PLXNB3: variants seen among roughly 807,000 people sequenced by gnomAD.
PLXNB3 encodes the protein plexin-B3.
PLXNB3 carries 80 observed loss-of-function variants against 125.7 expected under a neutral mutation model. The ratio of observed to expected loss-of-function variants is 0.64; its 90% CI spans 0.53 to 0.77. The LOEUF (loss-of-function observed/expected upper bound fraction) is 0.77. Among genes scored for constraint, PLXNB3 ranks in the 30% least tolerant of loss-of-function variants. The probability of loss-of-function intolerance (pLI) is 0.00; values close to 1 mark genes in which losing one functional copy is unlikely to be tolerated. For synonymous variants in PLXNB3, 954 were observed against 783.3 expected, an observed-to-expected ratio of 1.22 and a Z score of -3.64; for missense variants, 1,836 against 1,729.3, an observed-to-expected ratio of 1.06 and a Z score of -1.09.
chrX:153,769,233 G>A lies in PLXNB3; in HGVS notation c.1467G>A (p.Pro489=), dbSNP rs34012054. 1,731 of 1,171,056 alleles carry A rather than the reference G, an allele frequency of 1.5e-3. 14 individuals carry two copies. The African/African-American group carries it at 0.028, about 19-fold the overall frequency. The change falls in exon 6 of 36, where the codon CCG becomes CCA. Residue 489 remains proline, a synonymous_variant. Transcript: ENST00000361971. ...DCASCLQAQD[P]LCGWCVLQGR... ...CCAGCTGCCTCCAGGCCCAGGACCC[G>A]CTGTGTGGCTGGTGTGTCCTCCAGG...
intron 6 of PLXNB3, 150 bp downstream of exon 6, chrX:153,769,412 C>G (rs781994730): frequency 6.3e-6 from 3 of 474,438 alleles, no homozygotes; most frequent in East Asian, 7.5e-5. Flanking sequence ...CCTGCCCCAT[C>G]TCACTGAGCC....
intron 2 of PLXNB3, chrX:153,766,036 TA>T (rs782791034): frequency 9.6e-7 from 1 of 1,038,228 alleles, no homozygotes; most frequent in Non-Finnish European, 1.2e-6. Flanking sequence ...GGGACACTCC[TA>T]CACTGAGGCC....
At chrX:153,773,140 A>G in intron 17 of PLXNB3, 90 bp from the exon 18 acceptor site, 1 of 1,089,590 alleles carries the variant, frequency 9.2e-7, no homozygotes, top group Non-Finnish European at 1.2e-6. Context: ...CAAGGCAGGC[A>G]AAGCAGGGCT....
chrX:153,767,595 G>A lies in PLXNB3; in HGVS notation c.768G>A (p.Gln256=). The change falls in exon 3 of 36, where the codon CAG becomes CAA. Residue 256 remains glutamine (Q), a synonymous_variant. Transcript: ENST00000361971. ...TCCGCCGCCGCGGGGCCCGGGCCCA[G>A]GCTGAGTACCGCTCCTACGTGGCCC... ...FVFRRRGARA[Q]AEYRSYVARV... 1 of 1,186,890 alleles carries A rather than the reference G, an allele frequency of 8.4e-7. No individual in the cohort carries two copies.
chrX:153,778,396 G>A lies in PLXNB3; in HGVS notation c.5475G>A (p.Arg1825=). 8.3e-7 allele frequency: 1 copy of A among 1,211,475 alleles called. No individual in the cohort carries two copies. The highest frequency in any genetic ancestry group is 1.1e-6 in the Non-Finnish European group (1 of 895,429). The change falls in exon 34 of 36, where the codon AGG becomes AGA. Residue 1825 remains arginine (R), a splice_region_variant and synonymous_variant. Coordinates refer to ENST00000361971, the MANE Select transcript of PLXNB3 (RefSeq NM_005393.3). ...EIPRYKQMVE[R]YYADIRQSSP... is the part of the protein sequence containing the mutation. ...CCCCTAACGAAGTCTGCTCCTCCAG[G>A]TACTATGCGGACATTCGCCAGAGCT...
In PLXNB3 at chrX:153,767,215, G is replaced by A; in HGVS notation, c.388G>A (p.Val130Met). The A allele has an allele frequency of 8.3e-7, 1 of 1,205,396 alleles. No individual in the cohort carries two copies. Residue 130 changes from valine (V) to methionine (M), a missense_variant, in exon 3 of 36, where the codon GTG (valine) becomes ATG (methionine). Physicochemically the swap from Val to Met is conservative, Grantham distance 21 (BLOSUM62 1). Coordinates refer to ENST00000361971, the MANE Select transcript of PLXNB3 (RefSeq NM_005393.3). ...GGTGAGCAGCCGCGCCCAGGAGCTG[G>A]TGGCCTGCGGGCAGGTGCGGCAGGG... ...LLVSSRAQEL[V>M]ACGQVRQGVC...
rs782156284 is a variant in PLXNB3, at chrX:153,771,327, C to T, written c.2271C>T (p.Ser757=). Residue 757 remains serine, a synonymous_variant, in exon 13 of 36, where the codon TCC becomes TCT. Coordinates refer to ENST00000361971, the MANE Select transcript of PLXNB3 (RefSeq NM_005393.3). ...GCCCACAGTTTTATCCCTCCATGTC[C>T]CAGCGGGAGCTCCCAGTGCCCATCT... is the stretch of plus-strand genomic sequence containing the variant. ...CQAHQFYPSM[S]QRELPVPIYV... The T allele has an allele frequency of 8.3e-7, 1 of 1,207,877 alleles. No homozygotes were observed. Among genetic ancestry groups the T allele is most frequent in the East Asian group, 3.0e-5 (1 of 33,780 alleles).
Position 153,776,389 on chromosome X carries a change from T to C in PLXNB3, c.4763T>C (p.Leu1588Pro). ...TCAGGCCTGGCTGGTCACCTGACCC[T>C]ATCGGACGAAGACTTGACCTCCGTG... is the stretch of plus-strand genomic sequence containing the variant. ...WRSGLAGHLT[L>P]SDEDLTSVTQ... Residue 1588 changes from leucine (L) to proline (P), a missense_variant, in exon 28 of 36, where the codon CTA becomes CCA. Leu to Pro is a moderately conservative substitution (Grantham distance 98). Transcript: ENST00000361971. 4 of 1,196,316 alleles carry C rather than the reference T, an allele frequency of 3.3e-6. No individual in the cohort carries two copies. The highest frequency in any genetic ancestry group is 4.5e-6 in the Non-Finnish European group (4 of 888,212).
chrX:153,777,355 A>G lies in PLXNB3; in HGVS notation c.5075A>G (p.Tyr1692Cys), dbSNP rs781902036. 3 of 1,201,189 alleles carry G rather than the reference A, an allele frequency of 2.5e-6. No individual in the cohort carries two copies. The highest frequency in any genetic ancestry group is 3.6e-5 in the South Asian group (2 of 56,029). The change falls in exon 30 of 36, where the codon TAC becomes TGC. Residue 1692 changes from tyrosine (Y) to cysteine (C), a missense_variant. By Grantham distance (194) the Tyr-to-Cys change is radical. Coordinates refer to ENST00000361971, the MANE Select transcript of PLXNB3 (RefSeq NM_005393.3). ...AGGGCCAAGGCCATTCCGGAAATCTACCTCACCCGTCTGCTGTCCATGAAG... is the reference window on the plus strand; with the variant it reads ...AGGGCCAAGGCCATTCCGGAAATCTGCCTCACCCGTCTGCTGTCCATGAAG... ...PARAKAIPEIYLTRLLSMKGT... is the reference protein window; with the variant it reads ...PARAKAIPEICLTRLLSMKGT...
At position 153,776,980 on chromosome X, in the gene PLXNB3, A is replaced by T. The variant is rs1223493587; in HGVS notation, c.4927A>T (p.Asn1643Tyr). Residue 1643 changes from asparagine to tyrosine, a missense_variant and splice_region_variant, in exon 29 of 36, where the codon AAC becomes TAC. By Grantham distance (143) the Asn-to-Tyr change is moderately radical (BLOSUM62 -2). Transcript: ENST00000361971. The stretch of plus-strand genomic sequence containing the variant: ...GGCCCAGAGGTGCCCCTTGGGAGAG[A>T]GTGAGTCCCTCGGCCCTGACCTGGG... Reference protein sequence around the residue: ...SLAQRCPLGENIPTLEDGEEG... With the variant: ...SLAQRCPLGEYIPTLEDGEEG... 3 of 1,160,692 alleles carry T rather than the reference A, an allele frequency of 2.6e-6. No homozygotes were observed. Among genetic ancestry groups the T allele is most frequent in the South Asian group, 3.8e-5 (2 of 53,281 alleles).
intron 32 of PLXNB3, 68 bp downstream of exon 32, chrX:153,778,163 G>C: frequency 8.3e-7 from 1 of 1,198,239 alleles, no homozygotes; most frequent in South Asian, 1.8e-5. Context: ...GGGAAGCCTA[G>C]AGGGCTGTGC....
At chrX:153,770,298 G>A (rs1557061200) in intron 8 of PLXNB3, 40 bp from the exon 9 acceptor site, 7 of 1,200,846 alleles carry the variant, frequency 5.8e-6, no homozygotes, top group South Asian at 1.8e-5. Flanking sequence ...GAGGGGTAAT[G>A]AGCCACCTGA....
rs1557063091 is a variant in PLXNB3 at position 153,774,189 on chromosome X, G to A, written c.3523G>A (p.Glu1175Lys). ...KPGHVLDVEG[E>K]GLNLGISKEE... ...TAGGCTCCCATGTGTGTCCCAGGGC[G>A]AGGGCCTCAACCTGGGCATCAGCAA... is the stretch of plus-strand genomic sequence containing the variant. The change falls in exon 21 of 36, where the codon GAG becomes AAG. Residue 1175 changes from glutamate (E) to lysine (K), a missense_variant. Coordinates refer to ENST00000361971, the MANE Select transcript of PLXNB3 (RefSeq NM_005393.3). The A allele has an allele frequency of 1.2e-5, 14 of 1,203,373 alleles. No homozygotes were observed. Among genetic ancestry groups the A allele is most frequent in the African/African-American group, 5.2e-5 (3 of 57,692 alleles).
chrX:153,778,714 C>T (rs1392115270), intron 35 of PLXNB3, 40 bp downstream of exon 35: 1 of 1,152,501 alleles, frequency 8.7e-7, no homozygotes, highest in Non-Finnish European at 1.2e-6. Flanking sequence ...CACAGTGGAG[C>T]GGGAGGCCCG....
In PLXNB3 at chrX:153,777,339, G is replaced by A; in HGVS notation, c.5059G>A (p.Ala1687Thr). 1 of 1,205,068 alleles carries A rather than the reference G, an allele frequency of 8.3e-7. No individual in the cohort carries two copies. Among genetic ancestry groups the A allele is most frequent in the Non-Finnish European group, 1.1e-6 (1 of 890,792 alleles). ...GGAGCGCGAGCCAGCAAGGGCCAAG[G>A]CCATTCCGGAAATCTACCTCACCCG... is the stretch of plus-strand genomic sequence containing the variant. Reference protein sequence around the residue: ...LREREPARAKAIPEIYLTRLL... With the variant: ...LREREPARAKTIPEIYLTRLL... The change falls in exon 30 of 36, where the codon GCC becomes ACC. Residue 1687 changes from alanine (A) to threonine (T), a missense_variant. Transcript: ENST00000361971.
At chrX:153,767,963 T>C in intron 3 of PLXNB3, 50 bp downstream of exon 3, 1 of 1,061,309 alleles carries the variant, frequency 9.4e-7, no homozygotes, top group Non-Finnish European at 1.2e-6. Context: ...GCTGGCATCT[T>C]TCAGCACTGG....
intron 16 of PLXNB3, 76 bp downstream of exon 16, chrX:153,772,363 G>A: frequency 4.0e-6 from 3 of 747,904 alleles, no homozygotes; most frequent in Non-Finnish European, 2.0e-6. Context: ...GCCTAGTAAG[G>A]ATGTCAAGCT....
rs782627655 is a variant in PLXNB3, at chrX:153,776,434, G to T, written c.4808G>T (p.Arg1603Ile). 8.6e-7 allele frequency: 1 copy of T among 1,158,550 alleles called. No homozygotes were observed. The highest frequency in any genetic ancestry group is 1.8e-5 in the South Asian group (1 of 55,208). ...TCCGTGACCCAAAACCACTGGAAGA[G>T]ACTCAACACCTTGCAACACTACAAG... ...LTSVTQNHWK[R>I]LNTLQHYKVP... Residue 1603 changes from arginine (R) to isoleucine (I), a missense_variant, in exon 28 of 36, where the codon AGA becomes ATA. By Grantham distance (97) the Arg-to-Ile change is moderately conservative. Transcript: ENST00000361971.
Position 153,772,942 on chromosome X carries a change from G to C in PLXNB3, c.2832G>C (p.Gln944His). The C allele has an allele frequency of 8.4e-7, 1 of 1,192,104 alleles. No individual in the cohort carries two copies. The highest frequency in any genetic ancestry group is 1.1e-6 in the Non-Finnish European group (1 of 887,313). The change falls in exon 17 of 36, where the codon CAG becomes CAC. Residue 944 changes from glutamine to histidine, a missense_variant. Physicochemically the swap from Gln to His is conservative, Grantham distance 24. Coordinates refer to ENST00000361971, the MANE Select transcript of PLXNB3 (RefSeq NM_005393.3). ...GGGGCCCCCAGGCAGGGGGCACCCA[G>C]CTCACCATCCGAGGTCAGCACCTCC... is the stretch of plus-strand genomic sequence containing the variant. The part of the protein sequence containing the change: ...PRWGPQAGGT[Q>H]LTIRGQHLQT...
Sources: gnomAD v4.1 joint callset for allele counts on GRCh38, gnomAD v4.1.1 for gene constraint, MANE v1.5 for transcripts, NCBI Gene and HGNC (gene_info 2026-07-23, HGNC 2026-07-21) for gene names.